KIAA0825: variants seen among roughly 807,000 people sequenced by gnomAD.
KIAA0825 encodes the protein uncharacterized protein KIAA0825.
KIAA0825 carries 119 observed loss-of-function variants against 147.6 expected under a neutral mutation model. The ratio of observed to expected loss-of-function variants is 0.81; its 90% CI spans 0.69 to 0.94. KIAA0825 has a LOEUF of 0.94. Ranked by LOEUF, KIAA0825 falls within the 40% of genes least tolerant of loss-of-function variation. The pLI, the probability that KIAA0825 is intolerant of heterozygous loss-of-function variation, is 0.00. For synonymous variants in KIAA0825, 470 were observed against 518.1 expected (o/e 0.91, Z 1.26); for missense variants, 1,381 against 1,472.7 (o/e 0.94, Z 1.02).
At chr5:94,495,375 G>A (rs1245009413) in intron 5 of KIAA0825, among the ~76,000 whole-genome samples, 1 of 152,102 alleles carries the variant, frequency 6.6e-6, no homozygotes, top group Admixed American at 6.5e-5. Context: ...CTCCAAATAC[G>A]ACTTTGCAGC....
intron 18 of KIAA0825, among the ~76,000 whole-genome samples, chr5:94,387,933 A>G (rs1437865181): frequency 6.6e-6 from 1 of 152,180 alleles, no homozygotes; most frequent in Admixed American, 6.5e-5. Flanking sequence ...CAAATTTTAT[A>G]TTATAAAACC....
At chr5:94,259,874 A>T (rs1194943955) in intron 20 of KIAA0825, among the ~76,000 whole-genome samples, 2 of 151,936 alleles carry the variant, frequency 1.3e-5, no homozygotes, top group Non-Finnish European at 2.9e-5. Context: ...TTATTTATTC[A>T]CTTCAAGTCA....
intron 5 of KIAA0825, among the ~76,000 whole-genome samples, chr5:94,517,917 T>A (rs1213948466): frequency 1.3e-5 from 2 of 152,112 alleles, no homozygotes; most frequent in African/African-American, 4.8e-5. Flanking sequence ...GGCTTCACTC[T>A]ATGTCCTAGA....
At chr5:94,397,057 T>C (rs1464387674) in intron 16 of KIAA0825, among the ~76,000 whole-genome samples, 1 of 152,110 alleles carries the variant, frequency 6.6e-6, no homozygotes, top group Non-Finnish European at 1.5e-5. Flanking sequence ...ACCCTCTCTT[T>C]TGGGGATCCC....
At chr5:94,377,647 A>G (rs1747774713) in intron 20 of KIAA0825, among the ~76,000 whole-genome samples, 1 of 152,196 alleles carries the variant, frequency 6.6e-6, no homozygotes, top group Non-Finnish European at 1.5e-5. Context: ...TTATTCTTAG[A>G]TAGCATCAAA....
At chr5:94,512,149 G>T (rs531503953) in intron 5 of KIAA0825, among the ~76,000 whole-genome samples, 54 of 152,160 alleles carry the variant, frequency 3.5e-4, no homozygotes, top group Non-Finnish European at 5.3e-4. Flanking sequence ...GAATGTTGTG[G>T]TATAGGAACA....
chr5:94,327,335 ATAC>A (rs1407299839), intron 20 of KIAA0825, among the ~76,000 whole-genome samples: 2 of 152,004 alleles, frequency 1.3e-5, no homozygotes, highest in Non-Finnish European at 2.9e-5. Context: ...TAGAACATGA[ATAC>A]TACTTTATGA....
intron 20 of KIAA0825, among the ~76,000 whole-genome samples, chr5:94,214,216 A>T (rs1773005406): frequency 6.6e-6 from 1 of 152,102 alleles, no homozygotes; most frequent in Non-Finnish European, 1.5e-5. Flanking sequence ...AGTAGACAGA[A>T]AATGTTTCCT....
intron 20 of KIAA0825, among the ~76,000 whole-genome samples, chr5:94,354,702 TTC>T (rs1267906727): frequency 6.6e-6 from 1 of 152,236 alleles, no homozygotes; most frequent in Admixed American, 6.5e-5. Context: ...TGAAGAATGT[TTC>T]TGTCTTTTTC....
At chr5:94,411,508 A>G (rs568246386) in intron 15 of KIAA0825, among the ~76,000 whole-genome samples, 2 of 152,232 alleles carry the variant, frequency 1.3e-5, no homozygotes, top group Non-Finnish European at 2.9e-5. Flanking sequence ...AAGAACCTCA[A>G]CATTTATCTC....
chr5:94,211,461 G>A (rs1373029050), intron 20 of KIAA0825, among the ~76,000 whole-genome samples: 1 of 152,110 alleles, frequency 6.6e-6, no homozygotes, highest in African/African-American at 2.4e-5. Flanking sequence ...CTGGATTAGG[G>A]TCTCATGTTA....
intron 20 of KIAA0825, among the ~76,000 whole-genome samples, chr5:94,365,490 G>C (rs1301018893): frequency 1.3e-5 from 2 of 152,162 alleles, no homozygotes; most frequent in African/African-American, 4.8e-5. Flanking sequence ...ATCCACAGCT[G>C]GACACAGGTC....
At position 94,520,260 on chromosome 5, in the gene KIAA0825, C is replaced by T. The variant is rs775605893; in HGVS notation, c.958G>A (p.Val320Met). 1 of 1,608,142 alleles carries T rather than the reference C, an allele frequency of 6.2e-7. No individual in the cohort carries two copies. Among genetic ancestry groups the T allele is most frequent in the Admixed American group, 1.7e-5 (1 of 58,990 alleles). The change falls in exon 5 of 21, where the codon GTG (valine) becomes ATG (methionine). Residue 320 changes from valine to methionine, a missense_variant. Coordinates refer to ENST00000682413, the MANE Select transcript of KIAA0825 (RefSeq NM_001145678.3). ...SKSSSKHRGA[V>M]HALVTTECPQ... ...AAATGTCACTAACCCAAAGCATGCA[C>T]TGCTCCTCTATGCTTGCTGGAGCTC...
intron 20 of KIAA0825, among the ~76,000 whole-genome samples, chr5:94,197,398 T>C (rs1049835302): frequency 3.3e-5 from 5 of 152,234 alleles, no homozygotes; most frequent in African/African-American, 1.2e-4. Context: ...TGGAAATATT[T>C]TCTCCTATTC....
At chr5:94,293,774 G>T (rs1195676145) in intron 20 of KIAA0825, among the ~76,000 whole-genome samples, 2 of 152,146 alleles carry the variant, frequency 1.3e-5, no homozygotes, top group Non-Finnish European at 2.9e-5. Flanking sequence ...CTAAGAACTT[G>T]CTTTATGAAT....
intron 17 of KIAA0825, among the ~76,000 whole-genome samples, chr5:94,392,483 C>G (rs1750027622): frequency 6.6e-6 from 1 of 152,172 alleles, no homozygotes; most frequent in Non-Finnish European, 1.5e-5. Flanking sequence ...TTAAACATTT[C>G]AAACTATACC....
At chr5:94,357,525 A>T (rs1744443692) in intron 20 of KIAA0825, among the ~76,000 whole-genome samples, 1 of 152,238 alleles carries the variant, frequency 6.6e-6, no homozygotes, top group African/African-American at 2.4e-5. Context: ...CATCTTAAAG[A>T]CAAAAGAGGC....
At chr5:94,233,355 A>G (rs1774847957) in intron 20 of KIAA0825, among the ~76,000 whole-genome samples, 1 of 152,238 alleles carries the variant, frequency 6.6e-6, no homozygotes, top group Non-Finnish European at 1.5e-5. Context: ...GTTGATAAAC[A>G]GTAATAGAAA....
chr5:94,439,091 G>C (rs1287445197), intron 14 of KIAA0825, among the ~76,000 whole-genome samples: 1 of 152,058 alleles, frequency 6.6e-6, no homozygotes, highest in Non-Finnish European at 1.5e-5. Context: ...GGGGCTTTGG[G>C]GACAACAACT....
Sources: allele counts gnomAD v4.1 joint callset (sites outside exome capture counted in the v4.1 genomes callset), GRCh38; gene constraint gnomAD v4.1.1; transcripts MANE v1.5; gene names NCBI Gene and HGNC (gene_info 2026-07-23, HGNC 2026-07-21).